ZFHX4: variants seen among roughly 807,000 people sequenced by gnomAD.
The protein encoded by ZFHX4 is zinc finger homeobox 4, also known as zinc finger homeobox protein 4.
Under a neutral mutation model 267.6 loss-of-function variants are expected in ZFHX4, and 56 were observed. The observed-to-expected ratio is 0.21, with a 90% confidence interval of 0.17 to 0.26. The LOEUF is 0.26. Ranked by LOEUF, ZFHX4 falls within the 10% of genes least tolerant of loss-of-function variation. The pLI is 1.00. For missense variants in ZFHX4, 4,332 were observed against 4,420.0 expected (o/e 0.98, Z 0.56); for synonymous variants, 1,778 against 1,665.6 (o/e 1.07, Z -1.64).
At chr8:76,698,467 T>C (rs1294440597) in intron 1 of ZFHX4, among the ~76,000 whole-genome samples, 1 of 152,130 alleles carries the variant, frequency 6.6e-6, no homozygotes, top group African/African-American at 2.4e-5. Flanking sequence ...GTGCACCTTT[T>C]CTCCTTAGCT....
At chr8:76,685,715 G>A (rs1286849289) in intron 1 of ZFHX4, among the ~76,000 whole-genome samples, 2 of 152,178 alleles carry the variant, frequency 1.3e-5, no homozygotes, top group Non-Finnish European at 2.9e-5. Flanking sequence ...TTAGCTTGGT[G>A]TGAAAGTATT....
intron 4 of ZFHX4, among the ~76,000 whole-genome samples, chr8:76,822,276 C>CAAAATATATACCAGTTTCTCTACTG (rs1404836461): frequency 2.0e-5 from 3 of 152,046 alleles, no homozygotes; most frequent in African/African-American, 7.2e-5. Flanking sequence ...ACTGCTCTTT[C>CAAAATATATACCAGTTTCTCTACTG]AAAATATATA....
chr8:76,834,248 G>A (rs1266903859), intron 5 of ZFHX4: 1 of 322,598 alleles, frequency 3.1e-6, no homozygotes, highest in African/African-American at 2.2e-5. Flanking sequence ...TTTGATAAAT[G>A]CCAAGGAGTA....
chr8:76,734,657 T>A (rs1809111103), intron 3 of ZFHX4, among the ~76,000 whole-genome samples: 1 of 152,144 alleles, frequency 6.6e-6, no homozygotes, highest in Non-Finnish European at 1.5e-5. Flanking sequence ...TTAAGATGAT[T>A]AGACCTCTTC....
chr8:76,726,794 G>A (rs1477355821), intron 3 of ZFHX4, among the ~76,000 whole-genome samples: 1 of 152,056 alleles, frequency 6.6e-6, no homozygotes, highest in African/African-American at 2.4e-5. Flanking sequence ...GCTTTAGCCT[G>A]CAAATAGATT....
chr8:76,756,668 C>A (rs1471334945), intron 3 of ZFHX4, among the ~76,000 whole-genome samples: 1 of 152,112 alleles, frequency 6.6e-6, no homozygotes, highest in African/African-American at 2.4e-5. Context: ...GCCCTCTTGT[C>A]AACTACAAGA....
chr8:76,803,534 A>C (rs2131830981), intron 4 of ZFHX4, among the ~76,000 whole-genome samples: 1 of 152,230 alleles, frequency 6.6e-6, no homozygotes, highest in South Asian at 2.1e-4. Flanking sequence ...TAACCTCCTA[A>C]GAGTAGTGGA....
chr8:76,833,906 C>A (rs191715327), intron 5 of ZFHX4, among the ~76,000 whole-genome samples: 2 of 152,236 alleles, frequency 1.3e-5, no homozygotes, highest in South Asian at 2.1e-4. Flanking sequence ...ACCTCCTTGA[C>A]CCCTGTAAAC....
At chr8:76,808,277 G>A (rs1186620192) in intron 4 of ZFHX4, among the ~76,000 whole-genome samples, 1 of 152,052 alleles carries the variant, frequency 6.6e-6, no homozygotes, top group Non-Finnish European at 1.5e-5. Flanking sequence ...TTGAAAAATA[G>A]CCCCTCTTTT....
At chr8:76,820,996 C>T (rs1002088382) in intron 4 of ZFHX4, among the ~76,000 whole-genome samples, 3 of 152,126 alleles carry the variant, frequency 2.0e-5, no homozygotes, top group African/African-American at 7.2e-5. Flanking sequence ...TTTTCTCTGT[C>T]CTTCCTACTC....
chr8:76,801,250 A>T (rs780239485), intron 4 of ZFHX4, among the ~76,000 whole-genome samples: 16 of 152,154 alleles, frequency 1.1e-4, no homozygotes, highest in Non-Finnish European at 1.8e-4. Context: ...CTTATGCAAG[A>T]TGCAGTTTAT....
chr8:76,703,686 T>C (rs1207972762), intron 1 of ZFHX4: 1 of 166,880 alleles, frequency 6.0e-6, no homozygotes, highest in East Asian at 1.7e-4. Context: ...CAAAAGCTAT[T>C]TACATTCCTA....
chr8:76,721,521 A>T (rs1563483812), intron 3 of ZFHX4, among the ~76,000 whole-genome samples: 1 of 152,312 alleles, frequency 6.6e-6, no homozygotes, highest in East Asian at 1.9e-4. Context: ...CAAATACCTT[A>T]TACTTTTTCT....
chr8:76,781,023 C>T (rs1297972507), intron 4 of ZFHX4, among the ~76,000 whole-genome samples: 11 of 152,042 alleles, frequency 7.2e-5, no homozygotes, highest in Non-Finnish European at 1.3e-4. Context: ...ACATCAGATA[C>T]GTGCATGGGC....
rs376274964 is a variant in ZFHX4, at chr8:76,855,834, C to T, written c.8913C>T (p.Arg2971=). Residue 2971 remains arginine (R), a synonymous_variant, in exon 10 of 11, where the codon CGC becomes CGT. Coordinates refer to ENST00000651372, the MANE Select transcript of ZFHX4 (RefSeq NM_024721.5). ...GGAATGAGATTGGTCTGCCCAAACG[C>T]GTAGTCCAGGTGTGGTTCCAAAATG... is the stretch of plus-strand genomic sequence containing the variant. ...MLGNEIGLPK[R]VVQVWFQNAR... The T allele has an allele frequency of 6.2e-6, 10 of 1,613,844 alleles. No individual in the cohort carries two copies. The highest frequency in any genetic ancestry group is 1.6e-4 in the Middle Eastern group (1 of 6,062).
Position 76,855,323 on chromosome 8 carries a change from A to C in ZFHX4, c.8402A>C (p.Asp2801Ala). ...AGYDQNKTDF[D>A]ETSSINTAIS... ...TATGATCAAAATAAAACCGATTTTG[A>C]TGAGACTTCATCGATTAATACGGCA... Residue 2801 changes from aspartate to alanine, a missense_variant, in exon 10 of 11, where the codon GAT (aspartate) becomes GCT (alanine). Asp to Ala is a moderately radical substitution (Grantham distance 126). Around this residue, in one of 7 missense-constraint regions of ZFHX4, gnomAD observed 1,648 missense variants for 1,625.0 expected, o/e 1.01. Transcript: ENST00000651372. 3 of 1,613,774 alleles carry C rather than the reference A, an allele frequency of 1.9e-6. No individual in the cohort carries two copies. Among genetic ancestry groups the C allele is most frequent in the Non-Finnish European group, 2.5e-6 (3 of 1,179,832 alleles).
intron 4 of ZFHX4, among the ~76,000 whole-genome samples, chr8:76,811,333 A>G (rs1021163490): frequency 6.6e-6 from 1 of 152,238 alleles, no homozygotes; most frequent in Non-Finnish European, 1.5e-5. Context: ...ATAGAAAGAA[A>G]AGGAGCAGTT....
rs559379815 is a variant in ZFHX4 at position 76,711,109 on chromosome 8, A to G, written c.3093+3061A>G. Among the ~76,000 whole-genome samples the G allele has an allele frequency of 6.2e-4, 95 of 152,246 alleles. 1 individual carries two copies. The highest frequency in any genetic ancestry group is 1.1e-3 in the Non-Finnish European group (78 of 68,004). On this transcript the variant is annotated intron_variant, in intron 3 of 10. Coordinates refer to ENST00000651372, the MANE Select transcript of ZFHX4 (RefSeq NM_024721.5). Reference sequence around the variant, plus strand: ...CAGAATGTGTTGATGATCTTTCCATATGGACTCAAAAAAAAGAATACCTTT... The same window carrying G: ...CAGAATGTGTTGATGATCTTTCCATGTGGACTCAAAAAAAAGAATACCTTT...
intron 3 of ZFHX4, among the ~76,000 whole-genome samples, chr8:76,760,847 C>T (rs1196298530): frequency 2.7e-5 from 4 of 146,890 alleles, no homozygotes; most frequent in Admixed American, 1.4e-4. Context: ...AGAGTCTGCT[C>T]GAGCCAAAGC....
Sources: allele counts gnomAD v4.1 joint callset (sites outside exome capture counted in the v4.1 genomes callset), GRCh38; gene constraint gnomAD v4.1.1; regional missense constraint gnomAD v4.1.1; transcripts MANE v1.5; gene names NCBI Gene and HGNC (gene_info 2026-07-23, HGNC 2026-07-21).